The following DCTN1 variants were observed in gnomAD, a reference collection of about 807,000 sequenced individuals.
DCTN1 encodes the protein 150 kDa dynein-associated polypeptide.
In DCTN1, 61 loss-of-function variants were observed where a neutral mutation model predicts 161.2. The observed-to-expected ratio is 0.38, with a 90% CI of 0.31 to 0.47. DCTN1 has a LOEUF of 0.47. Ranked by LOEUF, DCTN1 falls within the 20% of genes least tolerant of loss-of-function variation. DCTN1 has a pLI of 0.99. For missense variants in DCTN1, 1,404 were observed against 1,623.7 expected (o/e 0.86, Z 2.33); for synonymous variants, 653 against 632.4 (o/e 1.03, Z -0.49).
chr2:74,376,730 T>C lies in DCTN1; in HGVS notation c.414+12A>G. On this transcript the variant is annotated intron_variant, in intron 5 of 31. Coordinates refer to ENST00000628224, the MANE Select transcript of DCTN1 (RefSeq NM_004082.5). ...CCCCCATCCACCCAGGCACAAATAG[T>C]AAACACACCACCTTCTTAGGCTTCA... The C allele has an allele frequency of 6.2e-7, 1 of 1,603,430 alleles. No homozygotes were observed. Among genetic ancestry groups the C allele is most frequent in the Non-Finnish European group, 8.5e-7 (1 of 1,175,102 alleles).
chr2:74,382,594 C>CAAA (rs567355218), upstream of DCTN1, among the ~76,000 whole-genome samples: 438 of 66,930 alleles, frequency 6.5e-3, 8 homozygotes, highest in African/African-American at 0.02. Context: ...GACTGAGACT[C>CAAA]AAAAAAAAAA....
intron 16 of DCTN1, 122 bp downstream of exon 16, chr2:74,368,606 C>T (rs973421417): frequency 2.2e-6 from 3 of 1,352,816 alleles, no homozygotes; most frequent in African/African-American, 1.4e-5. Context: ...TTGCTGTGTT[C>T]CTCCACTATA....
In DCTN1 at chr2:74,370,673, C is replaced by G. The variant is rs749295257; in HGVS notation, c.996G>C (p.Val332=). 5.0e-6 allele frequency: 8 copies of G among 1,614,198 alleles called. No homozygotes were observed. Among genetic ancestry groups the G allele is most frequent in the Non-Finnish European group, 5.1e-6 (6 of 1,180,044 alleles). ...TCTCTAAGTCAGTAGTGAGCTCGTC[C>G]ACCCGCTCCTTCAGTGCCTCCACCT... is the stretch of plus-strand genomic sequence containing the variant. ...QQEVEALKER[V]DELTTDLEIL... is the part of the protein sequence containing the mutation. Residue 332 remains valine, a synonymous_variant, in exon 10 of 32, where the codon GTG becomes GTC. Transcript: ENST00000628224. The surrounding 1 kb of genome is among the most constrained non-coding windows in gnomAD (Gnocchi z 4.4).
chr2:74,376,802 T>C (rs376583530), intron 4 of DCTN1, 40 bp from the exon 5 acceptor site: 12 of 1,588,120 alleles, frequency 7.6e-6, no homozygotes, highest in South Asian at 1.1e-5. Flanking sequence ...AGAGAACAGA[T>C]GTCCTGGGCA....
chr2:74,370,593 T>C lies in DCTN1; in HGVS notation c.1048+28A>G. On this transcript the variant is annotated intron_variant, in intron 10 of 31. Coordinates refer to ENST00000628224, the MANE Select transcript of DCTN1 (RefSeq NM_004082.5). This position sits in a 1 kb window ranked among gnomAD's most constrained non-coding sequence, Gnocchi z 4.4. The stretch of plus-strand genomic sequence containing the variant: ...CAGGCATGGTTCTCACCTGACCGTT[T>C]GGCCCCCAGCAGCTGTGGGCCCCTT... 2 of 1,614,062 alleles carry C rather than the reference T, an allele frequency of 1.2e-6. No homozygotes were observed. Among genetic ancestry groups the C allele is most frequent in the Non-Finnish European group, 1.7e-6 (2 of 1,179,968 alleles).
intron 19 of DCTN1, 23 bp from the exon 20 acceptor site, chr2:74,367,130 T>A: frequency 1.2e-6 from 2 of 1,613,928 alleles, no homozygotes; most frequent in Non-Finnish European, 1.7e-6. Flanking sequence ...AAGCATGCAA[T>A]CATCAGCCCC....
chr2:74,364,639 A>C (rs1419975903), intron 26 of DCTN1: 3 of 287,080 alleles, frequency 1.0e-5, no homozygotes, highest in Non-Finnish European at 2.0e-5. Flanking sequence ...CACATCATAA[A>C]ATGAAGCCAC....
chr2:74,368,704 G>T (rs1462289637), intron 16 of DCTN1, 24 bp downstream of exon 16: 1 of 1,614,182 alleles, frequency 6.2e-7, no homozygotes, highest in African/African-American at 1.3e-5. Flanking sequence ...GATTTCTGTG[G>T]AACATGTGAT....
Position 74,365,190 on chromosome 2 carries a change from C to T in DCTN1, c.3081G>A (p.Glu1027=), listed in dbSNP as rs1674316121. 6.2e-7 allele frequency: 1 copy of T among 1,614,104 alleles called. No individual in the cohort carries two copies. The highest frequency in any genetic ancestry group is 8.5e-7 in the Non-Finnish European group (1 of 1,180,046). Residue 1027 remains glutamate, a synonymous_variant, in exon 26 of 32, where the codon GAG becomes GAA. Coordinates refer to ENST00000628224, the MANE Select transcript of DCTN1 (RefSeq NM_004082.5). ...GCTGCTTTAGTTCTGCCTTCTCTGC[C>T]TCCAGCTGGTCGATGTCAGCCTGGA... ...DALQADIDQL[E]AEKAELKQRL...
rs538391673 is a variant in DCTN1, at chr2:74,391,491, C to T, written c.-19+303G>A. The T allele has an allele frequency of 1.1e-3, 333 of 302,124 alleles. 1 individual carries two copies. The highest frequency in any genetic ancestry group is 2.6e-3 in the Admixed American group (55 of 20,994). The allele number at this position is 302,124 out of a possible 1,614,324, so 18.7% of individuals were successfully genotyped here. On this transcript the variant is annotated intron_variant, in intron 1 of 27. Transcript: ENST00000409240. ...ATGTGCCCACAGGAAACCTGTAGCT[C>T]AGTATGGATTCAGGGGCGCCTCAGA...
chr2:74,378,310 A>T, intron 1 of DCTN1, 65 bp from the exon 2 acceptor site: 2 of 1,584,404 alleles, frequency 1.3e-6, no homozygotes. Context: ...TCTTATGTAT[A>T]AGAAATGCCT....
At chr2:74,367,182 C>T (rs1674484054) in intron 19 of DCTN1, 75 bp from the exon 20 acceptor site, 1 of 1,584,196 alleles carries the variant, frequency 6.3e-7, no homozygotes, top group African/African-American at 1.3e-5. Context: ...CTAAGAAGTC[C>T]CCATCCTCTG....
intron 22 of DCTN1, 34 bp downstream of exon 22, chr2:74,366,425 T>C: frequency 6.2e-7 from 1 of 1,614,072 alleles, no homozygotes; most frequent in Non-Finnish European, 8.5e-7. Context: ...TCACTAACTC[T>C]CCCCACACCT....
upstream of DCTN1, among the ~76,000 whole-genome samples, chr2:74,383,078 T>C (rs907082873): frequency 1.4e-5 from 2 of 144,788 alleles, no homozygotes; most frequent in East Asian, 3.9e-4. Flanking sequence ...CGAGACTCCG[T>C]CTCAAAAAAA....
intron 5 of DCTN1, among the ~76,000 whole-genome samples, chr2:74,375,701 A>G (rs1573174880): frequency 6.6e-6 from 1 of 152,306 alleles, no homozygotes; most frequent in East Asian, 1.9e-4. Context: ...CCAAGTTTCT[A>G]TGACTCTGAA....
exon 1 of DCTN1, chr2:74,391,833 C>G (rs1427234883): frequency 2.2e-5 from 10 of 453,830 alleles, no homozygotes; most frequent in African/African-American, 4.0e-5. Context: ...CCGACCCCAC[C>G]GACGACCGAC....
intron 7 of DCTN1, among the ~76,000 whole-genome samples, chr2:74,372,295 G>A (rs146906675): frequency 9.1e-4 from 139 of 152,310 alleles, no homozygotes; most frequent in African/African-American, 3.2e-3. Context: ...TATTTCAGAG[G>A]ACCCTGCAGG....
chr2:74,365,097 A>G lies in DCTN1; in HGVS notation c.3174T>C (p.Thr1058=). The G allele has an allele frequency of 1.2e-6, 2 of 1,614,160 alleles. No individual in the cohort carries two copies. Among genetic ancestry groups the G allele is most frequent in the Non-Finnish European group, 1.7e-6 (2 of 1,180,010 alleles). Residue 1058 remains threonine (T), a synonymous_variant, in exon 26 of 32, where the codon ACT becomes ACC. Transcript: ENST00000628224. Reference sequence around the variant, plus strand: ...CACCACCAGCAATGCCAGAGACCAGAGTAGCAATGCCTGAAGGAGGAGGGC... The same window carrying G: ...CACCACCAGCAATGCCAGAGACCAGGGTAGCAATGCCTGAAGGAGGAGGGC... ...LRGPPPSGIA[T]LVSGIAGEEQ... is the part of the protein sequence containing the mutation.
upstream of DCTN1, among the ~76,000 whole-genome samples, chr2:74,383,113 AT>A (rs201511344): frequency 1.9e-4 from 29 of 151,936 alleles, no homozygotes; most frequent in African/African-American, 7.0e-4. Context: ...TAAAATAAAA[AT>A]AAAAAATATG....
Sources: gnomAD v4.1 joint callset for allele counts (sites outside exome capture counted in the v4.1 genomes callset) on GRCh38, gnomAD v4.1.1 for gene constraint, Gnocchi (gnomAD v3.1) non-coding constraint, MANE v1.5 for transcripts, NCBI Gene and HGNC (gene_info 2026-07-23, HGNC 2026-07-21) for gene names.